GRB2: variants seen among roughly 807,000 people sequenced by gnomAD.
The protein encoded by GRB2 is growth factor receptor-bound protein 2.
GRB2 carries 2 observed loss-of-function variants against 27.4 expected under a neutral mutation model. The observed-to-expected ratio is 0.07, with a 90% CI of 0.03 to 0.23. The LOEUF (loss-of-function observed/expected upper bound fraction) is 0.23, where lower values mean the gene tolerates loss of function less well. GRB2 is among the 10% of genes least tolerant of loss of function. GRB2 has a pLI of 1.00. For synonymous variants in GRB2, 94 were observed against 99.6 expected (o/e 0.94, Z 0.33); for missense variants, 102 against 282.4 (o/e 0.36, Z 4.58).
rs1363160231 is a variant in GRB2, at chr17:75,320,449, G to A, written c.573C>T (p.Pro191=). 1.9e-6 allele frequency: 3 copies of A among 1,613,942 alleles called. No individual in the cohort carries two copies. The highest frequency in any genetic ancestry group is 2.5e-6 in the Non-Finnish European group (3 of 1,179,930). The change falls in exon 6 of 6, where the codon CCC becomes CCT. Residue 191 remains proline, a synonymous_variant. Coordinates refer to ENST00000316804, the MANE Select transcript of GRB2 (RefSeq NM_002086.5). The surrounding 1 kb of genome is among the most constrained non-coding windows in gnomAD (Gnocchi z 4.3). The part of the protein sequence containing the change: ...DFIHVMDNSD[P]NWWKGACHGQ... ...CGTGGCAAGCTCCTTTCCACCAGTT[G>A]GGGTCTGAGTTATCCATGACATGGA... is the stretch of plus-strand genomic sequence containing the variant.
At position 75,377,204 on chromosome 17, in the gene GRB2, C is replaced by T. The variant is rs2078899622; in HGVS notation, c.78+16347G>A. On this transcript the variant is annotated intron_variant, in intron 2 of 5. Transcript: ENST00000316804. ...GGTGTGGTGGTGCGCATCTGTAGTC[C>T]CAGCTACTGAGGAGACTGAGGTGAG... is the stretch of plus-strand genomic sequence containing the variant. 3.3e-5 allele frequency among the ~76,000 whole-genome samples: 5 copies of T among 151,902 alleles called. No homozygotes were observed. The East Asian group carries it at 9.7e-4, about 29-fold the overall frequency.
At chr17:75,369,690 C>CAA (rs35811117) in intron 2 of GRB2, among the ~76,000 whole-genome samples, 68,405 of 120,376 alleles carry the variant, frequency 0.57, 22,222 homozygotes, top group East Asian at 0.84. Flanking sequence ...CCGTCTCCAC[C>CAA]AAAAAAAAAA....
intron 2 of GRB2, among the ~76,000 whole-genome samples, chr17:75,341,387 G>A (rs1177337355): frequency 6.7e-6 from 1 of 149,322 alleles, no homozygotes; most frequent in African/African-American, 2.5e-5. Flanking sequence ...AGGAGGCAGA[G>A]GTTGCAGTGA....
Position 75,322,813 on chromosome 17 carries a change from C to G in GRB2, c.300-986G>C, listed in dbSNP as rs117279037. ...GGGCGCTTCTGCCTGTCCTGTTCAC[C>G]TGGCCGGGCACTCTCGGCATTCTCG... On this transcript the variant is annotated intron_variant, in intron 4 of 5. Transcript: ENST00000316804. Among the ~76,000 whole-genome samples the G allele has an allele frequency of 2.1e-3, 190 of 90,242 alleles. 3 individuals are homozygous for G. In the East Asian group the frequency reaches 0.11, roughly 50 times the overall value. The allele number at this position is 90,242 out of a possible 152,430, so 59.2% of individuals were successfully genotyped here. A position where few individuals can be genotyped will look rare whatever the true frequency, so the allele number is the denominator to read the frequency against.
chr17:75,403,827 ACT>A (rs370799913), intron 1 of GRB2, among the ~76,000 whole-genome samples: 32 of 151,442 alleles, frequency 2.1e-4, no homozygotes, highest in African/African-American at 5.9e-4. Flanking sequence ...ATAAGAATTA[ACT>A]CTGGCCGGGC....
At chr17:75,375,397 AGAG>A (rs1227083717) in intron 2 of GRB2, among the ~76,000 whole-genome samples, 1 of 145,974 alleles carries the variant, frequency 6.9e-6, no homozygotes, top group East Asian at 2.1e-4. Context: ...GAAAAAAAAA[AGAG>A]AGAAAGTAAT....
chr17:75,345,700 C>T (rs932569251), intron 2 of GRB2, among the ~76,000 whole-genome samples: 4 of 151,856 alleles, frequency 2.6e-5, no homozygotes, highest in Non-Finnish European at 4.4e-5. Context: ...TCCCTACCCC[C>T]ACCCCCACCC....
chr17:75,338,752 T>C (rs1197677809), intron 2 of GRB2: 13 of 547,386 alleles, frequency 2.4e-5, no homozygotes, highest in Non-Finnish European at 4.3e-5. Context: ...ATTTAAGAGA[T>C]GAGGAATGAG....
intron 3 of GRB2, among the ~76,000 whole-genome samples, chr17:75,329,994 GAC>G (rs1317007252): frequency 6.6e-6 from 1 of 151,880 alleles, no homozygotes; most frequent in Admixed American, 6.6e-5. Context: ...TATTTTTTGA[GAC>G]AGAGTCTTGC....
At position 75,328,755 on chromosome 17, in the gene GRB2, G is replaced by A. The variant is rs146374246; in HGVS notation, c.177-2735C>T. Among the ~76,000 whole-genome samples the A allele has an allele frequency of 9.2e-5, 14 of 152,056 alleles. No homozygotes were observed. In the East Asian group the frequency reaches 2.5e-3, roughly 27 times the overall value. On this transcript the variant is annotated intron_variant, in intron 3 of 5. Coordinates refer to ENST00000316804, the MANE Select transcript of GRB2 (RefSeq NM_002086.5). The stretch of plus-strand genomic sequence containing the variant: ...AGATCGAGACCAACCTGGCTAACAC[G>A]GTGAAACCCTGTCTTTACTAAAAAT...
intron 1 of GRB2, among the ~76,000 whole-genome samples, chr17:75,396,674 G>A (rs1448124767): frequency 6.6e-6 from 1 of 152,046 alleles, no homozygotes; most frequent in Non-Finnish European, 1.5e-5. Flanking sequence ...AGGGGAGAGT[G>A]AGCCACCACG....
intron 2 of GRB2, among the ~76,000 whole-genome samples, chr17:75,360,657 G>T (rs887933185): frequency 3.3e-5 from 5 of 152,228 alleles, no homozygotes; most frequent in African/African-American, 9.6e-5. Context: ...AGGACACACA[G>T]GGACCTTGTG....
At chr17:75,324,522 T>G (rs1206413309) in intron 4 of GRB2, among the ~76,000 whole-genome samples, 1 of 89,902 alleles carries the variant, frequency 1.1e-5, no homozygotes, top group African/African-American at 3.2e-5. Context: ...TTTTTTTTTT[T>G]TTTTTTTTTT....
intron 2 of GRB2, among the ~76,000 whole-genome samples, chr17:75,347,737 A>G (rs1311667398): frequency 1.3e-5 from 2 of 152,178 alleles, no homozygotes; most frequent in Non-Finnish European, 2.9e-5. Context: ...CCCAGCCATG[A>G]GCTGAGCTGG....
intron 3 of GRB2, among the ~76,000 whole-genome samples, chr17:75,330,307 G>T (rs150128339): frequency 6.6e-6 from 1 of 151,950 alleles, no homozygotes; most frequent in Non-Finnish European, 1.5e-5. Context: ...CCTTGAACCA[G>T]GGAGTTGGGG....
intron 3 of GRB2, 44 bp from the exon 4 acceptor site, chr17:75,326,064 A>C: frequency 6.2e-7 from 1 of 1,612,098 alleles, no homozygotes; most frequent in Non-Finnish European, 8.5e-7. Context: ...TTCCCCACAA[A>C]GAAACGGGAT....
chr17:75,403,029 C>T (rs149530767), intron 1 of GRB2, among the ~76,000 whole-genome samples: 129 of 120,232 alleles, frequency 1.1e-3, no homozygotes, highest in Middle Eastern at 6.0e-3. Flanking sequence ...GACCTGAGAT[C>T]GTGCCACTGC....
intron 2 of GRB2, among the ~76,000 whole-genome samples, chr17:75,347,388 C>T (rs979263485): frequency 3.9e-5 from 6 of 152,128 alleles, no homozygotes; most frequent in East Asian, 1.9e-4. Context: ...CTACCCTTTC[C>T]GAATTGATTT....
intron 3 of GRB2, among the ~76,000 whole-genome samples, chr17:75,329,878 C>T (rs1317269736): frequency 6.6e-6 from 1 of 152,190 alleles, no homozygotes; most frequent in Non-Finnish European, 1.5e-5. Context: ...TGAAATACCA[C>T]CATTCTACAT....
Sources: gnomAD v4.1 joint callset for allele counts (sites outside exome capture counted in the v4.1 genomes callset) on GRCh38, gnomAD v4.1.1 for gene constraint, Gnocchi (gnomAD v3.1) non-coding constraint, MANE v1.5 for transcripts, NCBI Gene and HGNC (gene_info 2026-07-23, HGNC 2026-07-21) for gene names.